The following GGNBP2 variants were observed in gnomAD, a reference collection of about 807,000 sequenced individuals.
The protein encoded by GGNBP2 is gametogenetin-binding protein 2.
GGNBP2 carries 10 observed loss-of-function variants against 85.9 expected under a neutral mutation model. The ratio of observed to expected loss-of-function variants is 0.12; its 90% CI spans 0.07 to 0.20. The LOEUF (loss-of-function observed/expected upper bound fraction) is 0.20. Ranked by LOEUF, GGNBP2 falls within the 10% of genes least tolerant of loss-of-function variation. The pLI is 1.00. For missense variants in GGNBP2, 595 were observed against 857.8 expected (o/e 0.69, Z 3.83); for synonymous variants, 287 against 285.7 (o/e 1.00, Z -0.05).
At chr17:36,575,073 C>G in intron 6 of GGNBP2, 1 of 982,668 alleles carries the variant, frequency 1.0e-6, no homozygotes, top group South Asian at 1.4e-5. Flanking sequence ...ATCTCAGATT[C>G]CTTCATGGGC....
At chr17:36,574,761 GCACCAGCA>G in intron 6 of GGNBP2, 1 of 629,300 alleles carries the variant, frequency 1.6e-6, no homozygotes. Context: ...GGGATGAGGC[GCACCAGCA>G]CAGAGCCGTG....
Position 36,587,005 on chromosome 17 carries a change from G to A in GGNBP2, c.1650G>A (p.Lys550=). The part of the protein sequence containing the change: ...KILKCDEHIQ[K]LGSCITDPGN... ...CTTTGCTGTGGTATCAGATCCAGAA[G>A]CTTGGAAGCTGTATTACAGATCCAG... Residue 550 remains lysine (K), a synonymous_variant, in exon 13 of 14, where the codon AAG becomes AAA. Transcript: ENST00000613102. 6.2e-7 allele frequency: 1 copy of A among 1,611,844 alleles called. No individual in the cohort carries two copies.
At chr17:36,588,951 G>A (rs2142798149) in intron 13 of GGNBP2, among the ~76,000 whole-genome samples, 1 of 150,436 alleles carries the variant, frequency 6.6e-6, no homozygotes, top group African/African-American at 2.5e-5. Context: ...CCAAGGTATG[G>A]TGGTAGTTTG....
chr17:36,566,473 A>G (rs774628963), intron 5 of GGNBP2, among the ~76,000 whole-genome samples: 58 of 152,018 alleles, frequency 3.8e-4, no homozygotes, highest in Non-Finnish European at 7.2e-4. Context: ...CAGCCTGGGC[A>G]ACATGACAAG....
At position 36,581,492 on chromosome 17, in the gene GGNBP2, C is replaced by T; in HGVS notation, c.1169C>T (p.Pro390Leu). The change falls in exon 9 of 14, where the codon CCT (proline) becomes CTT (leucine). Residue 390 changes from proline to leucine, a missense_variant. By Grantham distance (98) the Pro-to-Leu change is moderately conservative. Coordinates refer to ENST00000613102, the MANE Select transcript of GGNBP2 (RefSeq NM_024835.5). The part of the protein sequence containing the change: ...RRKNKCVCDI[P>L]TPLQTADEKE... ...AAAAATAAGTGTGTGTGTGATATTC[C>T]TACTCCCTTACAAACAGCAGATGAA... The T allele has an allele frequency of 6.2e-7, 1 of 1,611,550 alleles. No individual in the cohort carries two copies. Among genetic ancestry groups the T allele is most frequent in the South Asian group, 1.1e-5 (1 of 90,368 alleles).
intron 2 of GGNBP2, among the ~76,000 whole-genome samples, chr17:36,550,425 T>C (rs902056833): frequency 6.6e-6 from 1 of 152,208 alleles, no homozygotes; most frequent in African/African-American, 2.4e-5. Flanking sequence ...GCATATCCAC[T>C]TGGGAATTAG....
intron 2 of GGNBP2, among the ~76,000 whole-genome samples, chr17:36,554,308 CA>C (rs34134532): frequency 0.34 from 19,935 of 59,374 alleles, 1,277 homozygotes; most frequent in Non-Finnish European, 0.41. Flanking sequence ...GACTCCGTCT[CA>C]AAAAAAAAAA....
chr17:36,586,843 A>G, intron 12 of GGNBP2, 154 bp from the exon 13 acceptor site: 3 of 692,506 alleles, frequency 4.3e-6, no homozygotes, highest in Admixed American at 3.0e-5. Flanking sequence ...GGTCTTGAAC[A>G]CTTGACCTCA....
intron 2 of GGNBP2, among the ~76,000 whole-genome samples, chr17:36,553,945 C>T (rs928361482): frequency 6.6e-6 from 1 of 152,096 alleles, no homozygotes; most frequent in Non-Finnish European, 1.5e-5. Flanking sequence ...ATATGCCTTC[C>T]TATGGTAGTG....
At chr17:36,571,612 C>T (rs537762712) in intron 6 of GGNBP2, among the ~76,000 whole-genome samples, 35 of 151,842 alleles carry the variant, frequency 2.3e-4, no homozygotes, top group African/African-American at 7.5e-4. Context: ...GAGGCCGAGG[C>T]GGGCGGATCA....
At chr17:36,566,395 C>CA (rs1452709527) in intron 5 of GGNBP2, among the ~76,000 whole-genome samples, 2 of 152,080 alleles carry the variant, frequency 1.3e-5, no homozygotes, top group African/African-American at 4.8e-5. Flanking sequence ...CTTGGTGGCT[C>CA]ACGCCTGTAA....
At chr17:36,566,082 A>G (rs2074465441) in intron 5 of GGNBP2, among the ~76,000 whole-genome samples, 1 of 152,236 alleles carries the variant, frequency 6.6e-6, no homozygotes, top group African/African-American at 2.4e-5. Flanking sequence ...ATTTAGCTAC[A>G]TAGAGTAAGT....
chr17:36,547,144 T>A (rs569402646), intron 2 of GGNBP2: 6 of 152,368 alleles, frequency 3.9e-5, no homozygotes, highest in African/African-American at 1.2e-4. Flanking sequence ...ATTTCTGTAC[T>A]TTTTGCATTA....
Position 36,578,115 on chromosome 17 carries a change from C to T in GGNBP2, c.774C>T (p.His258=). Residue 258 remains histidine, a synonymous_variant, in exon 7 of 14, where the codon CAC becomes CAT. Coordinates refer to ENST00000613102, the MANE Select transcript of GGNBP2 (RefSeq NM_024835.5). The part of the protein sequence containing the change: ...EGLRCCPHER[H]IHVCCETDFI... ...TGCGGTGCTGTCCACATGAACGACA[C>T]ATACATGTTTGCTGTGAAACAGACT... is the stretch of plus-strand genomic sequence containing the variant. The T allele has an allele frequency of 6.2e-7, 1 of 1,614,150 alleles. No homozygotes were observed. Among genetic ancestry groups the T allele is most frequent in the Non-Finnish European group, 8.5e-7 (1 of 1,179,994 alleles).
At chr17:36,586,409 G>C (rs1880466717) in intron 12 of GGNBP2, 1 of 566,196 alleles carries the variant, frequency 1.8e-6, no homozygotes. Flanking sequence ...TTGTGAGTCA[G>C]AAATTCAATT....
intron 8 of GGNBP2, 143 bp from the exon 9 acceptor site, chr17:36,581,201 C>A (rs1252721900): frequency 5.5e-6 from 3 of 542,090 alleles, no homozygotes; most frequent in African/African-American, 3.9e-5. Context: ...AGGAGAATGG[C>A]GTGAACCCAG....
intron 2 of GGNBP2, among the ~76,000 whole-genome samples, chr17:36,552,185 T>G (rs1471508394): frequency 1.3e-5 from 2 of 152,188 alleles, no homozygotes; most frequent in African/African-American, 4.8e-5. Flanking sequence ...TTCTGTTGAG[T>G]TACATGGCTC....
At chr17:36,556,726 A>T (rs952679973) in intron 3 of GGNBP2, among the ~76,000 whole-genome samples, 1 of 148,770 alleles carries the variant, frequency 6.7e-6, no homozygotes, top group Non-Finnish European at 1.5e-5. Flanking sequence ...AAACAAACTT[A>T]AAAAAAAGGT....
In GGNBP2 at chr17:36,589,548, C is replaced by T. The variant is rs572135478; in HGVS notation, c.*137C>T. 4.1e-5 allele frequency: 27 copies of T among 657,108 alleles called. No homozygotes were observed. Among genetic ancestry groups the T allele is most frequent in the African/African-American group, 2.0e-4 (11 of 55,184 alleles). The allele number at this position is 657,108 out of a possible 1,614,324, so 40.7% of individuals were successfully genotyped here. A position where few individuals can be genotyped will look rare whatever the true frequency, so the allele number is the denominator to read the frequency against. ...TGTGATTCTTTCTTGTTTTGGGAGA[C>T]GGTGGAGGTATCCTCATTAGTTCTT... is the stretch of plus-strand genomic sequence containing the variant. On this transcript the variant is annotated 3_prime_UTR_variant, in exon 14 of 14. Transcript: ENST00000613102.
Sources: allele counts gnomAD v4.1 joint callset (sites outside exome capture counted in the v4.1 genomes callset), GRCh38; gene constraint gnomAD v4.1.1; transcripts MANE v1.5; gene names NCBI Gene and HGNC (gene_info 2026-07-23, HGNC 2026-07-21).